Variants in CPN1 observed in about 807,000 individuals in gnomAD.
The protein encoded by CPN1 is carboxypeptidase N catalytic chain.
A neutral mutation model predicts 46.4 loss-of-function variants in CPN1; 37 were observed. That is an observed-to-expected ratio of 0.80 (90% CI 0.61 to 1.05). The LOEUF is 1.05. Ranked by LOEUF, CPN1 falls within the 50% of genes least tolerant of loss-of-function variation. The pLI is 0.00. For synonymous variants in CPN1, 224 were observed against 235.4 expected (o/e 0.95, Z 0.44); for missense variants, 563 against 602.6 (o/e 0.93, Z 0.69).
At position 100,048,044 on chromosome 10, in the gene CPN1, T is replaced by C. The variant is rs1282704711; in HGVS notation, c.1230+714A>G. Reference sequence around the variant, plus strand: ...AAAATAAAATAAAAATAAATTGGTATGGCTTTTCTCCAATTAATCTGCCTT... The same window carrying C: ...AAAATAAAATAAAAATAAATTGGTACGGCTTTTCTCCAATTAATCTGCCTT... On this transcript the variant is annotated intron_variant, in intron 8 of 8. Coordinates refer to ENST00000370418, the MANE Select transcript of CPN1 (RefSeq NM_001308.3). Among the ~76,000 whole-genome samples, 16 of 152,224 alleles carry C rather than the reference T, an allele frequency of 1.1e-4. No individual in the cohort carries two copies. The South Asian group carries it at 3.3e-3, about 32-fold the overall frequency.
chr10:100,079,389 T>C (rs968623108), intron 1 of CPN1, among the ~76,000 whole-genome samples: 1 of 152,246 alleles, frequency 6.6e-6, no homozygotes, highest in African/African-American at 2.4e-5. Context: ...ATAGCAGTTA[T>C]AGTGCTTCAG....
intron 7 of CPN1, among the ~76,000 whole-genome samples, chr10:100,054,076 T>C (rs1483082434): frequency 6.6e-6 from 1 of 152,224 alleles, no homozygotes; most frequent in Non-Finnish European, 1.5e-5. Flanking sequence ...GATGAGAAGT[T>C]ACATTTACAT....
chr10:100,073,959 C>T (rs1470329666), intron 2 of CPN1, among the ~76,000 whole-genome samples: 2 of 152,056 alleles, frequency 1.3e-5, no homozygotes, highest in African/African-American at 4.8e-5. Context: ...ATCTTCAGAG[C>T]TCTCTCTGAC....
Position 100,042,220 on chromosome 10 carries a change from G to C in CPN1, c.*207C>G. ...ATTACAGATGTGAGCCACCACACCC[G>C]GCCACCACATCACCTTTCAATAGAT... On this transcript the variant is annotated 3_prime_UTR_variant, in exon 9 of 9. Transcript: ENST00000370418. The C allele has an allele frequency of 1.6e-6, 1 of 624,252 alleles. No individual in the cohort carries two copies. Among genetic ancestry groups the C allele is most frequent in the Admixed American group, 2.6e-5 (1 of 37,746 alleles). The allele number at this position is 624,252 out of a possible 1,614,324, so 38.7% of individuals were successfully genotyped here. A position where few individuals can be genotyped will look rare whatever the true frequency, so the allele number is the denominator to read the frequency against.
At chr10:100,047,329 AGAG>A (rs765612339) in intron 8 of CPN1, among the ~76,000 whole-genome samples, 1 of 152,112 alleles carries the variant, frequency 6.6e-6, no homozygotes, top group East Asian at 1.9e-4. Flanking sequence ...GAGAAGAAAG[AGAG>A]GAGGAGGAGG....
In CPN1 at chr10:100,063,730, A is replaced by C. The variant is rs1436114173; in HGVS notation, c.760-5T>G. 8 of 1,610,434 alleles carry C rather than the reference A, an allele frequency of 5.0e-6. No homozygotes were observed. The highest frequency in any genetic ancestry group is 6.8e-6 in the Non-Finnish European group (8 of 1,176,788). The stretch of plus-strand genomic sequence containing the variant: ...ATAGGAGTAGACCTTGGCCAGCTAG[A>C]GGAAAAGCAGGAGGAAAACGACCTT... On this transcript the variant is annotated splice_region_variant and splice_polypyrimidine_tract_variant and intron_variant, in intron 4 of 8. Transcript: ENST00000370418.
Position 100,065,259 on chromosome 10 carries a change from A to T in CPN1, c.688T>A (p.Phe230Ile). ...CGGACCCCTCGGACCCGGTGCTCAAAGGACTTGTCATACGGGTAATTGGCC... is the reference window on the plus strand; with the variant it reads ...CGGACCCCTCGGACCCGGTGCTCAATGGACTTGTCATACGGGTAATTGGCC... ...VVANYPYDKS[F>I]EHRVRGVRRT... is the part of the protein sequence containing the mutation. Residue 230 changes from phenylalanine (F) to isoleucine (I), a missense_variant, in exon 4 of 9, where the codon TTT (phenylalanine) becomes ATT (isoleucine). Phe to Ile is a conservative substitution (Grantham distance 21). Coordinates refer to ENST00000370418, the MANE Select transcript of CPN1 (RefSeq NM_001308.3). 6.2e-7 allele frequency: 1 copy of T among 1,614,140 alleles called. No homozygotes were observed. Among genetic ancestry groups the T allele is most frequent in the Non-Finnish European group, 8.5e-7 (1 of 1,180,026 alleles).
At chr10:100,048,580 T>C (rs1428261300) in intron 8 of CPN1, among the ~76,000 whole-genome samples, 178 bp downstream of exon 8, 1 of 152,106 alleles carries the variant, frequency 6.6e-6, no homozygotes, top group East Asian at 1.9e-4. Context: ...TTATACTCAC[T>C]CCCAGCTACT....
At chr10:100,048,599 T>G (rs2041329047) in intron 8 of CPN1, among the ~76,000 whole-genome samples, 159 bp downstream of exon 8, 1 of 152,160 alleles carries the variant, frequency 6.6e-6, no homozygotes, top group Admixed American at 6.5e-5. Context: ...CTCGGGAGGC[T>G]TAGGCGGCAG....
At position 100,063,714 on chromosome 10, in the gene CPN1, G is replaced by A; in HGVS notation, c.771C>T (p.Val257=). The A allele has an allele frequency of 6.2e-7, 1 of 1,613,824 alleles. No homozygotes were observed. ...ACATCCATCCATGTGCATAGGAGTA[G>A]ACCTTGGCCAGCTAGAGGAAAAGCA... ...DDKLFQKLAK[V]YSYAHGWMFQ... The change falls in exon 5 of 9, where the codon GTC becomes GTT. Residue 257 remains valine (V), a synonymous_variant. Coordinates refer to ENST00000370418, the MANE Select transcript of CPN1 (RefSeq NM_001308.3).
intron 6 of CPN1, among the ~76,000 whole-genome samples, chr10:100,055,956 T>C (rs1338005353): frequency 1.3e-5 from 2 of 152,262 alleles, no homozygotes; most frequent in Non-Finnish European, 2.9e-5. Flanking sequence ...CTGTTACAAA[T>C]ATGGATGTGC....
At chr10:100,064,919 C>T (rs1010714016) in intron 4 of CPN1, among the ~76,000 whole-genome samples, 2 of 152,052 alleles carry the variant, frequency 1.3e-5, no homozygotes, top group African/African-American at 4.8e-5. Flanking sequence ...TATTAGTCTT[C>T]GGGCATATTT....
chr10:100,044,245 A>G (rs2041295421), intron 8 of CPN1, among the ~76,000 whole-genome samples: 1 of 152,184 alleles, frequency 6.6e-6, no homozygotes, highest in African/African-American at 2.4e-5. Context: ...AGGAATCTAG[A>G]CAGAAAAAAA....
chr10:100,077,318 C>T (rs563762526), intron 1 of CPN1, among the ~76,000 whole-genome samples: 4 of 151,134 alleles, frequency 2.6e-5, no homozygotes, highest in Admixed American at 6.6e-5. Flanking sequence ...GCAACCTCCA[C>T]CTCCCAGGTT....
intron 4 of CPN1, 42 bp downstream of exon 4, chr10:100,065,146 G>C: frequency 6.3e-7 from 1 of 1,598,582 alleles, no homozygotes; most frequent in East Asian, 2.2e-5. Flanking sequence ...CACCTCCTGA[G>C]CCCCAAGTTC....
intron 6 of CPN1, 151 bp from the exon 7 acceptor site, chr10:100,054,597 C>G: frequency 1.5e-6 from 1 of 681,994 alleles, no homozygotes; most frequent in Non-Finnish European, 2.6e-6. Flanking sequence ...TTGCCTCTCT[C>G]CCTGCCCCAA....
intron 3 of CPN1, among the ~76,000 whole-genome samples, chr10:100,066,964 C>A (rs1324495418): frequency 6.6e-6 from 1 of 152,204 alleles, no homozygotes; most frequent in Non-Finnish European, 1.5e-5. Flanking sequence ...GCGAGGGAAA[C>A]CTCTTTGCTT....
At chr10:100,079,674 T>C (rs2041533297) in intron 1 of CPN1, among the ~76,000 whole-genome samples, 1 of 152,242 alleles carries the variant, frequency 6.6e-6, no homozygotes, top group South Asian at 2.1e-4. Context: ...CTGAATCCCA[T>C]GGCCAGTCCA....
chr10:100,075,207 T>C (rs936611248), intron 2 of CPN1, among the ~76,000 whole-genome samples: 11 of 152,232 alleles, frequency 7.2e-5, no homozygotes, highest in African/African-American at 2.6e-4. Flanking sequence ...GGAGAATTGC[T>C]TGAACCTGGG....
Sources: allele counts gnomAD v4.1 joint callset (sites outside exome capture counted in the v4.1 genomes callset), GRCh38; gene constraint gnomAD v4.1.1; transcripts MANE v1.5; gene names NCBI Gene and HGNC (gene_info 2026-07-23, HGNC 2026-07-21).